The following ZNF385D variants were observed in gnomAD, a reference collection of about 807,000 sequenced individuals.
The protein encoded by ZNF385D is zinc finger protein 659.
A neutral mutation model predicts 35.8 loss-of-function variants in ZNF385D; 15 were observed. The observed-to-expected ratio is 0.42, with a 90% confidence interval of 0.28 to 0.64. The LOEUF (loss-of-function observed/expected upper bound fraction) is 0.64, where lower values mean the gene tolerates loss of function less well. ZNF385D is among the 30% of genes least tolerant of loss of function. The probability of loss-of-function intolerance (pLI) is 0.23; values close to 1 mark genes in which losing one functional copy is unlikely to be tolerated. For missense variants in ZNF385D, 474 were observed against 494.6 expected (o/e 0.96, Z 0.39); for synonymous variants, 212 against 186.8 (o/e 1.13, Z -1.10).
chr3:21,892,957 C>T (rs917018078), intron 3 of ZNF385D, among the ~76,000 whole-genome samples: 11 of 151,938 alleles, frequency 7.2e-5, no homozygotes, highest in African/African-American at 2.4e-4. Context: ...ATTTCTATTG[C>T]GTGTATGTAT....
At chr3:21,616,638 T>G (rs1253132849) in intron 2 of ZNF385D, among the ~76,000 whole-genome samples, 1 of 152,238 alleles carries the variant, frequency 6.6e-6, no homozygotes, top group African/African-American at 2.4e-5. Context: ...AAAAGATTCA[T>G]GTTCCCATGC....
chr3:21,641,874 C>T (rs1400490465), intron 2 of ZNF385D, among the ~76,000 whole-genome samples: 1 of 152,006 alleles, frequency 6.6e-6, no homozygotes, highest in African/African-American at 2.4e-5. Flanking sequence ...TCTAAAATAT[C>T]AAGCTGCACA....
chr3:21,912,849 T>C (rs554687723), intron 3 of ZNF385D, among the ~76,000 whole-genome samples: 1 of 152,206 alleles, frequency 6.6e-6, no homozygotes, highest in African/African-American at 2.4e-5. Context: ...ACAGTTCTTC[T>C]CTGAACAGCA....
At chr3:21,930,960 C>A (rs1278634755) in intron 3 of ZNF385D, among the ~76,000 whole-genome samples, 2 of 152,142 alleles carry the variant, frequency 1.3e-5, no homozygotes, top group Admixed American at 1.3e-4. Flanking sequence ...CTTATAAATT[C>A]AACTTCATCA....
chr3:22,240,750 T>C (rs1397826932), intron 2 of ZNF385D, among the ~76,000 whole-genome samples: 2 of 150,994 alleles, frequency 1.3e-5, no homozygotes, highest in Non-Finnish European at 2.9e-5. Context: ...ATTGTAATTG[T>C]ACTTGTATAT....
chr3:21,847,585 T>A (rs1696092003), intron 3 of ZNF385D, among the ~76,000 whole-genome samples: 1 of 152,034 alleles, frequency 6.6e-6, no homozygotes, highest in South Asian at 2.1e-4. Context: ...GTTGATTGAA[T>A]GTAACAATAT....
At chr3:21,765,217 TGAGAGAGAGA>T (rs562978427) in intron 3 of ZNF385D, among the ~76,000 whole-genome samples, 1 of 149,476 alleles carries the variant, frequency 6.7e-6, no homozygotes, top group Admixed American at 6.7e-5. Flanking sequence ...TGTGTGTGTG[TGAGAGAGAGA>T]GAGAGAGAGA....
intron 3 of ZNF385D, among the ~76,000 whole-genome samples, chr3:21,768,923 G>A (rs1165049361): frequency 6.6e-6 from 1 of 151,830 alleles, no homozygotes; most frequent in African/African-American, 2.4e-5. Context: ...TAAATAAATG[G>A]GAAATTTAGA....
intron 3 of ZNF385D, among the ~76,000 whole-genome samples, chr3:21,544,107 T>C (rs2062287338): frequency 6.6e-6 from 1 of 152,234 alleles, no homozygotes; most frequent in African/African-American, 2.4e-5. Flanking sequence ...AAATCTGTGG[T>C]ACCTTTCAGT....
intron 2 of ZNF385D, among the ~76,000 whole-genome samples, chr3:21,603,896 G>C (rs935682293): frequency 6.6e-6 from 1 of 152,132 alleles, no homozygotes; most frequent in African/African-American, 2.4e-5. Flanking sequence ...GCATAGCCAC[G>C]CAATTAGTTC....
chr3:21,867,418 G>A (rs1236309551), intron 3 of ZNF385D, among the ~76,000 whole-genome samples: 2 of 152,104 alleles, frequency 1.3e-5, no homozygotes, highest in East Asian at 1.9e-4. Context: ...GTGCAGCCAA[G>A]GCTGAGAACT....
rs150126355 is a variant in ZNF385D, at chr3:21,600,398, A to G, written c.166-35714T>C. On this transcript the variant is annotated intron_variant, in intron 2 of 7. Coordinates refer to ENST00000281523, the MANE Select transcript of ZNF385D (RefSeq NM_024697.3). ...ATAGTTTTATTGAACAGCATTGAAG[A>G]GATGAGCAATTTGTGTTATAGCCAC... 7.9e-5 allele frequency among the ~76,000 whole-genome samples: 12 copies of G among 152,320 alleles called. No homozygotes were observed. The East Asian group carries it at 2.3e-3, about 29-fold the overall frequency.
intron 4 of ZNF385D, among the ~76,000 whole-genome samples, chr3:21,462,281 A>G (rs1371830807): frequency 6.6e-6 from 1 of 152,076 alleles, no homozygotes; most frequent in Non-Finnish European, 1.5e-5. Flanking sequence ...TATTTTTGTG[A>G]GCCAGAATTT....
At chr3:22,204,446 C>T (rs1027608323) in intron 2 of ZNF385D, among the ~76,000 whole-genome samples, 7 of 151,910 alleles carry the variant, frequency 4.6e-5, no homozygotes, top group African/African-American at 1.7e-4. Context: ...TTTCAATGCC[C>T]AGAAAGCAAT....
chr3:21,786,757 C>T (rs527527821), intron 3 of ZNF385D, among the ~76,000 whole-genome samples: 17 of 152,216 alleles, frequency 1.1e-4, no homozygotes, highest in African/African-American at 3.4e-4. Flanking sequence ...TTGCCATGTC[C>T]GTGAACATAT....
At chr3:21,558,482 T>C (rs1400615761) in intron 3 of ZNF385D, among the ~76,000 whole-genome samples, 1 of 152,210 alleles carries the variant, frequency 6.6e-6, no homozygotes, top group East Asian at 1.9e-4. Context: ...AGTTTCTTAA[T>C]CCTGACTTCC....
intron 4 of ZNF385D, among the ~76,000 whole-genome samples, chr3:21,507,337 A>T (rs1706848699): frequency 6.6e-6 from 1 of 152,064 alleles, no homozygotes; most frequent in South Asian, 2.1e-4. Flanking sequence ...CAAAGGAATT[A>T]GTTTGGGTTT....
chr3:22,293,987 A>G (rs897455538), intron 2 of ZNF385D, among the ~76,000 whole-genome samples: 5 of 150,936 alleles, frequency 3.3e-5, no homozygotes, highest in Non-Finnish European at 7.4e-5. Context: ...TTTCTTCTCC[A>G]GGCATGGTAA....
At chr3:21,564,885 G>T (rs1213929628) in intron 2 of ZNF385D, among the ~76,000 whole-genome samples, 2 of 151,946 alleles carry the variant, frequency 1.3e-5, no homozygotes, top group Non-Finnish European at 2.9e-5. Context: ...GTATGATAAG[G>T]AAATGATAAA....
Sources: gnomAD v4.1 joint callset for allele counts (sites outside exome capture counted in the v4.1 genomes callset) on GRCh38, gnomAD v4.1.1 for gene constraint, MANE v1.5 for transcripts, NCBI Gene and HGNC (gene_info 2026-07-23, HGNC 2026-07-21) for gene names.